The following SOHLH2 variants were observed in gnomAD, a reference collection of about 807,000 sequenced individuals.
SOHLH2 encodes spermatogenesis- and oogenesis-specific basic helix-loop-helix-containing protein 2.
In SOHLH2, 22 loss-of-function variants were observed where a neutral mutation model predicts 50.4. The ratio of observed to expected loss-of-function variants is 0.44; its 90% CI spans 0.31 to 0.62. The LOEUF (loss-of-function observed/expected upper bound fraction) is 0.62. Among genes scored for constraint, SOHLH2 ranks in the 20% least tolerant of loss-of-function variants. The probability of loss-of-function intolerance (pLI) is 0.08; values close to 1 mark genes in which losing one functional copy is unlikely to be tolerated. For synonymous variants in SOHLH2, 185 were observed against 187.3 expected, an observed-to-expected ratio of 0.99 and a Z score of 0.10; for missense variants, 412 against 504.4, an observed-to-expected ratio of 0.82 and a Z score of 1.76.
intron 6 of SOHLH2, chr13:36,183,119 C>A: frequency 5.9e-6 from 2 of 339,786 alleles, no homozygotes; most frequent in South Asian, 2.4e-5. Context: ...GACACATTGG[C>A]TCCACTTTGC....
intron 6 of SOHLH2, among the ~76,000 whole-genome samples, chr13:36,177,983 C>T (rs545307180): frequency 5.4e-4 from 82 of 152,012 alleles, no homozygotes; most frequent in Admixed American, 3.9e-3. Context: ...AGAACATCTG[C>T]GTACTCTCAG....
At chr13:36,180,468 T>C (rs11619133) in intron 6 of SOHLH2, among the ~76,000 whole-genome samples, 14,478 of 152,220 alleles carry the variant, frequency 0.095, 693 homozygotes, top group East Asian at 0.12. Flanking sequence ...TGCATTCTCT[T>C]TTTTTAAATT....
chr13:36,202,147 AATGTC>A, intron 1 of SOHLH2, 54 bp from the exon 2 acceptor site: 1 of 1,597,462 alleles, frequency 6.3e-7, no homozygotes, highest in East Asian at 2.2e-5. Flanking sequence ...GCATAGGGAA[AATGTC>A]ATGTATGAGA....
intron 10 of SOHLH2, among the ~76,000 whole-genome samples, chr13:36,169,934 C>T (rs1886916927): frequency 6.6e-6 from 1 of 152,192 alleles, no homozygotes; most frequent in Admixed American, 6.5e-5. Flanking sequence ...ATTTCTGCTT[C>T]TTTGTCTGCA....
Position 36,202,598 on chromosome 13 carries a change from A to G in SOHLH2, c.49-505T>C, listed in dbSNP as rs74686003. 5.7e-3 allele frequency among the ~76,000 whole-genome samples: 865 copies of G among 152,322 alleles called. 13 individuals carry two copies. Among genetic ancestry groups the G allele is most frequent in the South Asian group, 0.041 (196 of 4,826 alleles). On this transcript the variant is annotated intron_variant, in intron 1 of 10. Coordinates refer to ENST00000379881, the MANE Select transcript of SOHLH2 (RefSeq NM_017826.3). ...GAATATATGTGCTATTCAAACCTCA[A>G]TATTAGGAACCAAAAAGGCCATTTG... is the stretch of plus-strand genomic sequence containing the variant.
Position 36,214,531 on chromosome 13 carries a change from G to T in SOHLH2, c.-5C>A, listed in dbSNP as rs750623822. On this transcript the variant is annotated 5_prime_UTR_variant, in exon 1 of 11. Coordinates refer to ENST00000379881, the MANE Select transcript of SOHLH2 (RefSeq NM_017826.3). ...GCAGATAATTGAGGAAGCCATGGCC[G>T]CTGCGCACGTGCTGGGTCCTGGGGC... The T allele has an allele frequency of 8.1e-6, 13 of 1,610,724 alleles. No individual in the cohort carries two copies. Among genetic ancestry groups the T allele is most frequent in the Admixed American group, 3.3e-5 (2 of 59,734 alleles).
intron 6 of SOHLH2, among the ~76,000 whole-genome samples, chr13:36,181,793 G>A (rs974510110): frequency 6.6e-6 from 1 of 152,066 alleles, no homozygotes; most frequent in African/African-American, 2.4e-5. Context: ...CTAGTGATTC[G>A]AGTTTCCATT....
intron 4 of SOHLH2, among the ~76,000 whole-genome samples, 159 bp downstream of exon 4, chr13:36,193,462 C>T (rs1887632958): frequency 6.6e-6 from 1 of 152,266 alleles, no homozygotes; most frequent in South Asian, 2.1e-4. Context: ...CCTTGGGCAA[C>T]ACATTCTAAA....
At chr13:36,194,584 C>G (rs1332965395) in intron 2 of SOHLH2, among the ~76,000 whole-genome samples, 2 of 152,134 alleles carry the variant, frequency 1.3e-5, no homozygotes, top group African/African-American at 2.4e-5. Context: ...ATACTCTCTC[C>G]CCTTTTATTT....
intron 2 of SOHLH2, among the ~76,000 whole-genome samples, chr13:36,201,553 G>A (rs1248608448): frequency 6.6e-6 from 1 of 151,436 alleles, no homozygotes; most frequent in Non-Finnish European, 1.5e-5. Context: ...GTTCATTGCA[G>A]CCTTAAACTC....
At chr13:36,177,984 G>A (rs750025642) in intron 6 of SOHLH2, among the ~76,000 whole-genome samples, 9 of 151,756 alleles carry the variant, frequency 5.9e-5, no homozygotes, top group African/African-American at 9.7e-5. Flanking sequence ...GAACATCTGC[G>A]TACTCTCAGC....
At chr13:36,186,397 GC>G (rs757892397) in intron 6 of SOHLH2, among the ~76,000 whole-genome samples, 69 of 152,200 alleles carry the variant, frequency 4.5e-4, no homozygotes, top group Non-Finnish European at 7.6e-4. Context: ...TCTACTTGGG[GC>G]TCTCCTCTGT....
chr13:36,173,965 G>A (rs533100091), intron 8 of SOHLH2, among the ~76,000 whole-genome samples, 155 bp from the exon 9 acceptor site: 20 of 152,308 alleles, frequency 1.3e-4, no homozygotes, highest in Admixed American at 1.1e-3. Flanking sequence ...CATGACCCAC[G>A]ATAATTCCTT....
intron 2 of SOHLH2, among the ~76,000 whole-genome samples, chr13:36,199,602 GTTTGCATAGC>G (rs776188025): frequency 7.2e-5 from 11 of 152,138 alleles, no homozygotes; most frequent in Non-Finnish European, 1.3e-4. Context: ...CAGAACTACC[GTTTGCATAGC>G]TATACACTTG....
rs1335502166 is a variant in SOHLH2, at chr13:36,173,819, G to C, written c.882-9C>G. The C allele has an allele frequency of 6.2e-7, 1 of 1,613,602 alleles. No homozygotes were observed. Among genetic ancestry groups the C allele is most frequent in the Admixed American group, 1.7e-5 (1 of 59,958 alleles). The stretch of plus-strand genomic sequence containing the variant: ...TCATCACACTGTTTTCCCTTGAAAG[G>C]ACAGAAAAAATTATTTGCACATTTT... On this transcript the variant is annotated splice_polypyrimidine_tract_variant and intron_variant, in intron 8 of 10. Transcript: ENST00000379881.
At chr13:36,182,029 A>C (rs557649621) in intron 6 of SOHLH2, 6 of 978,030 alleles carry the variant, frequency 6.1e-6, no homozygotes, top group Middle Eastern at 1.1e-3. Flanking sequence ...CTAATTTATT[A>C]ATGTTTTAAA....
At chr13:36,196,092 AC>A (rs1264536175) in intron 2 of SOHLH2, among the ~76,000 whole-genome samples, 7 of 126,534 alleles carry the variant, frequency 5.5e-5, no homozygotes, top group African/African-American at 9.9e-5. Flanking sequence ...TTTTAGACAG[AC>A]AGAAAGATAG....
intron 2 of SOHLH2, among the ~76,000 whole-genome samples, chr13:36,197,217 C>G (rs1276735502): frequency 6.6e-6 from 1 of 152,120 alleles, no homozygotes; most frequent in Non-Finnish European, 1.5e-5. Context: ...CACGATTACG[C>G]TGTTTAAATG....
intron 1 of SOHLH2, among the ~76,000 whole-genome samples, chr13:36,213,597 T>A (rs1869246963): frequency 1.3e-5 from 2 of 152,232 alleles, no homozygotes; most frequent in African/African-American, 4.8e-5. Context: ...GGGGTAATCA[T>A]CACCTTTCAC....
Sources: allele counts gnomAD v4.1 joint callset (sites outside exome capture counted in the v4.1 genomes callset), GRCh38; gene constraint gnomAD v4.1.1; transcripts MANE v1.5; gene names NCBI Gene and HGNC (gene_info 2026-07-23, HGNC 2026-07-21).